Variants in NKAIN2 observed in about 807,000 individuals in gnomAD.
NKAIN2 encodes the protein sodium/potassium-transporting ATPase subunit beta-1-interacting protein 2.
Under a neutral mutation model 32.6 loss-of-function variants are expected in NKAIN2, and 14 were observed. That is an observed-to-expected ratio of 0.43 (90% CI 0.28 to 0.67). The LOEUF is 0.67. Ranked by LOEUF, NKAIN2 falls within the 30% of genes least tolerant of loss-of-function variation. The pLI, the probability that NKAIN2 is intolerant of heterozygous loss-of-function variation, is 0.17. For missense variants in NKAIN2, 198 were observed against 258.3 expected (o/e 0.77, Z 1.60); for synonymous variants, 80 against 87.2 (o/e 0.92, Z 0.46).
At chr6:123,954,960 T>G (rs1777498203) in intron 1 of NKAIN2, among the ~76,000 whole-genome samples, 1 of 151,680 alleles carries the variant, frequency 6.6e-6, no homozygotes, top group Non-Finnish European at 1.5e-5. Flanking sequence ...GACATGTAAT[T>G]TGCAGGGTGT....
chr6:124,661,945 A>T (rs1784760644), intron 4 of NKAIN2, among the ~76,000 whole-genome samples: 5 of 152,220 alleles, frequency 3.3e-5, no homozygotes, highest in Admixed American at 3.3e-4. Flanking sequence ...GTTCACATGA[A>T]TTAAATCTTT....
At chr6:124,470,760 T>G (rs756435278) in intron 3 of NKAIN2, among the ~76,000 whole-genome samples, 1 of 152,086 alleles carries the variant, frequency 6.6e-6, no homozygotes, top group African/African-American at 2.4e-5. Context: ...ATTAGACTAA[T>G]GGGGAGATAG....
chr6:124,065,146 CA>C (rs1322199915), intron 1 of NKAIN2, among the ~76,000 whole-genome samples: 1 of 152,050 alleles, frequency 6.6e-6, no homozygotes, highest in African/African-American at 2.4e-5. Flanking sequence ...TAAAGATTTT[CA>C]CAGTATTTCA....
At chr6:124,637,394 G>T (rs1282954417) in intron 3 of NKAIN2, among the ~76,000 whole-genome samples, 1 of 151,820 alleles carries the variant, frequency 6.6e-6, no homozygotes, top group African/African-American at 2.4e-5. Context: ...CTAGCAATTA[G>T]ATAAGAGAAA....
rs551290446 is a variant in NKAIN2 at position 124,357,324 on chromosome 6, AT to A, written c.273+1980del. 1.7e-4 allele frequency among the ~76,000 whole-genome samples: 26 copies of A among 152,298 alleles called. No individual in the cohort carries two copies. The Middle Eastern group carries it at 0.014, about 80-fold the overall frequency. On this transcript the variant is annotated intron_variant, in intron 3 of 6. Coordinates refer to ENST00000368417, the MANE Select transcript of NKAIN2 (RefSeq NM_001040214.3). ...TTTTCCTCTCTTTCGTGTTCAAAGC[AT>A]TTGAAAAAAGGTGTATTTATACCAT...
In NKAIN2 at chr6:124,295,729, G is replaced by A. The variant is rs527785033; in HGVS notation, c.192+12587G>A. On this transcript the variant is annotated intron_variant, in intron 2 of 6. Transcript: ENST00000368417. Reference sequence around the variant, plus strand: ...AGACAGAACATTTCTTTCAGATATCGGATATCAAAACAATTCTCAGGGCAC... The same window carrying A: ...AGACAGAACATTTCTTTCAGATATCAGATATCAAAACAATTCTCAGGGCAC... 8.5e-5 allele frequency among the ~76,000 whole-genome samples: 13 copies of A among 152,090 alleles called. No homozygotes were observed. In the South Asian group the frequency reaches 1.7e-3, roughly 19 times the overall value.
intron 3 of NKAIN2, among the ~76,000 whole-genome samples, chr6:124,424,561 C>T (rs1774900509): frequency 2.0e-5 from 3 of 152,172 alleles, no homozygotes; most frequent in Non-Finnish European, 4.4e-5. Context: ...ATTTTCCTCA[C>T]TCCAACCCCT....
chr6:124,400,624 C>G (rs895151978), intron 3 of NKAIN2, among the ~76,000 whole-genome samples: 1 of 152,090 alleles, frequency 6.6e-6, no homozygotes, highest in Non-Finnish European at 1.5e-5. Context: ...ATCAATATTC[C>G]TATTTCTTTC....
At chr6:124,794,781 T>C (rs2114815750) in intron 5 of NKAIN2, 1 of 473,776 alleles carries the variant, frequency 2.1e-6, no homozygotes, top group African/African-American at 2.1e-5. Context: ...GAGTATCTTT[T>C]GGTTACAATG....
intron 1 of NKAIN2, among the ~76,000 whole-genome samples, chr6:124,181,281 C>CT (rs1789435203): frequency 1.4e-5 from 2 of 144,892 alleles, no homozygotes; most frequent in Non-Finnish European, 3.0e-5. Flanking sequence ...CCCAGGAAAT[C>CT]ATTTTTTTCC....
intron 2 of NKAIN2, among the ~76,000 whole-genome samples, chr6:124,291,661 A>G (rs1795821370): frequency 6.6e-6 from 1 of 152,160 alleles, no homozygotes; most frequent in African/African-American, 2.4e-5. Context: ...ATACCCAGAC[A>G]GCCTATCACT....
chr6:123,895,251 G>A (rs145213871), intron 1 of NKAIN2, among the ~76,000 whole-genome samples: 197 of 151,590 alleles, frequency 1.3e-3, no homozygotes, highest in Non-Finnish European at 2.1e-3. Flanking sequence ...AGCAACAGCA[G>A]CAGCAGCAGC....
intron 4 of NKAIN2, among the ~76,000 whole-genome samples, chr6:124,766,157 T>C (rs1173049169): frequency 6.6e-6 from 1 of 152,220 alleles, no homozygotes; most frequent in Non-Finnish European, 1.5e-5. Context: ...TTTCATATTT[T>C]GCACCAAGGT....
chr6:124,504,117 A>G (rs1448217143), intron 3 of NKAIN2, among the ~76,000 whole-genome samples: 1 of 152,114 alleles, frequency 6.6e-6, no homozygotes, highest in East Asian at 1.9e-4. Context: ...ACATATATGA[A>G]TTCAAATATG....
chr6:124,499,752 G>A (rs1036054494), intron 3 of NKAIN2, among the ~76,000 whole-genome samples: 23 of 152,178 alleles, frequency 1.5e-4, no homozygotes, highest in Non-Finnish European at 2.9e-4. Flanking sequence ...CACTTATATG[G>A]AAGGAAGAAA....
chr6:124,193,916 C>T (rs1790164090), intron 1 of NKAIN2, among the ~76,000 whole-genome samples: 1 of 152,068 alleles, frequency 6.6e-6, no homozygotes. Flanking sequence ...AGAGGAGACC[C>T]TGGAGTGAGT....
chr6:124,726,967 A>G (rs1405224174), intron 4 of NKAIN2, among the ~76,000 whole-genome samples: 92 of 141,056 alleles, frequency 6.5e-4, no homozygotes, highest in East Asian at 2.2e-3. Flanking sequence ...GCGATGGAAG[A>G]TGAAATGAAT....
At chr6:124,025,918 G>A (rs576718983) in intron 1 of NKAIN2, among the ~76,000 whole-genome samples, 18 of 152,214 alleles carry the variant, frequency 1.2e-4, no homozygotes, top group Admixed American at 4.6e-4. Context: ...AGTTCATAAA[G>A]GAATTCTCTG....
chr6:124,101,668 G>T (rs1311294004), intron 1 of NKAIN2, among the ~76,000 whole-genome samples: 1 of 152,048 alleles, frequency 6.6e-6, no homozygotes, highest in Admixed American at 6.6e-5. Flanking sequence ...CCTAAAGTAT[G>T]TATGAGATGA....
Sources: gnomAD v4.1 joint callset for allele counts (sites outside exome capture counted in the v4.1 genomes callset) on GRCh38, gnomAD v4.1.1 for gene constraint, MANE v1.5 for transcripts, NCBI Gene and HGNC (gene_info 2026-07-23, HGNC 2026-07-21) for gene names.